Variants in SLC9A9 observed in about 807,000 individuals in gnomAD.
SLC9A9 encodes sodium/hydrogen exchanger 9.
In SLC9A9, 62 loss-of-function variants were observed where a neutral mutation model predicts 77.8. The observed-to-expected ratio is 0.80, with a 90% CI of 0.65 to 0.98. The LOEUF is 0.98. Ranked by LOEUF, SLC9A9 falls within the 50% of genes least tolerant of loss-of-function variation. The pLI is 0.00. For synonymous variants in SLC9A9, 320 were observed against 283.5 expected (o/e 1.13, Z -1.29); for missense variants, 775 against 774.9 (o/e 1.00, Z 0.00).
chr3:143,392,337 A>C (rs577767822), intron 12 of SLC9A9, among the ~76,000 whole-genome samples: 136 of 152,344 alleles, frequency 8.9e-4, no homozygotes, highest in African/African-American at 3.0e-3. Context: ...AGAATTTCAT[A>C]TCCAGCCAAA....
intron 12 of SLC9A9, among the ~76,000 whole-genome samples, chr3:143,401,317 G>A (rs1373150236): frequency 9.2e-5 from 14 of 152,112 alleles, no homozygotes; most frequent in Admixed American, 9.2e-4. Context: ...TCCCATTTGG[G>A]TATAGGGTGG....
At chr3:143,477,358 C>G (rs1425074619) in intron 11 of SLC9A9, among the ~76,000 whole-genome samples, 2 of 137,118 alleles carry the variant, frequency 1.5e-5, no homozygotes, top group Non-Finnish European at 3.1e-5. Context: ...CCCCCTCCCC[C>G]CGCCGCCCCC....
At chr3:143,601,160 C>T (rs529663133) in intron 6 of SLC9A9, among the ~76,000 whole-genome samples, 3 of 152,204 alleles carry the variant, frequency 2.0e-5, no homozygotes, top group African/African-American at 7.2e-5. Flanking sequence ...CATGTTTATT[C>T]ATTCAATGAA....
intron 8 of SLC9A9, among the ~76,000 whole-genome samples, chr3:143,557,110 GT>G (rs2036997720): frequency 6.6e-6 from 1 of 152,144 alleles, no homozygotes; most frequent in African/African-American, 2.4e-5. Flanking sequence ...CATGGGGGTA[GT>G]TTCCCCCATG....
intron 14 of SLC9A9, among the ~76,000 whole-genome samples, chr3:143,342,464 G>A (rs1323341113): frequency 1.3e-5 from 2 of 152,292 alleles, no homozygotes; most frequent in East Asian, 3.9e-4. Context: ...TAAGAAGCTA[G>A]ATGATTCCTC....
rs554687914 is a variant in SLC9A9 at position 143,296,937 on chromosome 3, A to T, written c.1605-27957T>A. ...ATTTTGTATATTTGCCCTTTATCAG[A>T]TACATAGTTTGCAAATATTTTCTTC... On this transcript the variant is annotated intron_variant, in intron 14 of 15. Coordinates refer to ENST00000316549, the MANE Select transcript of SLC9A9 (RefSeq NM_173653.4). Among the ~76,000 whole-genome samples the T allele has an allele frequency of 3.3e-5, 5 of 152,274 alleles. No homozygotes were observed. The East Asian group carries it at 9.6e-4, about 29-fold the overall frequency.
At chr3:143,322,191 T>C (rs992247007) in intron 14 of SLC9A9, among the ~76,000 whole-genome samples, 2 of 152,182 alleles carry the variant, frequency 1.3e-5, no homozygotes, top group Admixed American at 1.3e-4. Context: ...TCAAATATTT[T>C]TCCGGGCGTG....
At chr3:143,700,988 T>C (rs1422011474) in intron 4 of SLC9A9, among the ~76,000 whole-genome samples, 5 of 152,196 alleles carry the variant, frequency 3.3e-5, no homozygotes, top group African/African-American at 1.2e-4. Context: ...GAGAAAGTAA[T>C]GGAAGAGAAC....
chr3:143,759,721 G>C (rs983212004), intron 4 of SLC9A9, among the ~76,000 whole-genome samples: 3 of 151,420 alleles, frequency 2.0e-5, no homozygotes, highest in African/African-American at 7.3e-5. Context: ...ATACCATACA[G>C]ACCTCCAATG....
chr3:143,602,800 C>T (rs772347967), intron 6 of SLC9A9, among the ~76,000 whole-genome samples: 5 of 152,272 alleles, frequency 3.3e-5, no homozygotes, highest in Non-Finnish European at 2.9e-5. Flanking sequence ...CCTTGGAAAA[C>T]GATTCCCTTC....
intron 14 of SLC9A9, among the ~76,000 whole-genome samples, chr3:143,293,149 T>C (rs1480327851): frequency 6.6e-6 from 1 of 152,186 alleles, no homozygotes; most frequent in African/African-American, 2.4e-5. Context: ...ATAAATAAAA[T>C]ATACAGCTGC....
chr3:143,614,690 T>C (rs144405114), intron 6 of SLC9A9, among the ~76,000 whole-genome samples: 2,556 of 152,236 alleles, frequency 0.017, 55 homozygotes, highest in African/African-American at 0.058. Flanking sequence ...AGTTAGGAAA[T>C]CAGAAACTTT....
intron 2 of SLC9A9, among the ~76,000 whole-genome samples, chr3:143,821,195 C>T (rs2009157472): frequency 6.6e-6 from 1 of 152,216 alleles, no homozygotes; most frequent in Non-Finnish European, 1.5e-5. Context: ...TAAAAAGCAA[C>T]ACCAATCTTT....
intron 1 of SLC9A9, among the ~76,000 whole-genome samples, chr3:143,841,208 G>GCACA (rs146636138): frequency 6.6e-6 from 1 of 151,044 alleles, no homozygotes; most frequent in South Asian, 2.1e-4. Flanking sequence ...ATACACACAC[G>GCACA]CACACACACA....
At chr3:143,402,455 T>G (rs1448610079) in intron 12 of SLC9A9, among the ~76,000 whole-genome samples, 18 of 151,462 alleles carry the variant, frequency 1.2e-4, no homozygotes, top group African/African-American at 3.1e-4. Flanking sequence ...GTGTTTTTTT[T>G]TTTTTTTTTT....
intron 4 of SLC9A9, among the ~76,000 whole-genome samples, chr3:143,693,995 T>C (rs1933556248): frequency 6.6e-6 from 1 of 152,186 alleles, no homozygotes; most frequent in Non-Finnish European, 1.5e-5. Context: ...TGCCAACCTA[T>C]AGCTTTTAAT....
intron 9 of SLC9A9, among the ~76,000 whole-genome samples, chr3:143,529,166 G>A (rs916002422): frequency 1.3e-5 from 2 of 152,172 alleles, no homozygotes; most frequent in African/African-American, 2.4e-5. Context: ...AAAAAATGCA[G>A]CAGCTAATTT....
chr3:143,513,212 C>A (rs1181284362), intron 9 of SLC9A9, among the ~76,000 whole-genome samples: 1 of 152,202 alleles, frequency 6.6e-6, no homozygotes, highest in Non-Finnish European at 1.5e-5. Context: ...TAGAGTCAAT[C>A]CTCTCAAACT....
At chr3:143,650,736 T>C (rs964762434) in intron 6 of SLC9A9, among the ~76,000 whole-genome samples, 3 of 152,222 alleles carry the variant, frequency 2.0e-5, no homozygotes, top group African/African-American at 7.2e-5. Flanking sequence ...GCTCTTGCCA[T>C]GGTGTGAAAC....
Sources: allele counts gnomAD v4.1 joint callset (sites outside exome capture counted in the v4.1 genomes callset), GRCh38; gene constraint gnomAD v4.1.1; transcripts MANE v1.5; gene names NCBI Gene and HGNC (gene_info 2026-07-23, HGNC 2026-07-21).